MCC: variants seen among roughly 807,000 people sequenced by gnomAD.
MCC encodes the protein colorectal mutant cancer protein.
MCC carries 90 observed loss-of-function variants against 116.2 expected under a neutral mutation model. That is an observed-to-expected ratio of 0.77 (90% CI 0.65 to 0.92). MCC has a LOEUF of 0.92. Ranked by LOEUF, MCC falls within the 40% of genes least tolerant of loss-of-function variation. The probability of loss-of-function intolerance (pLI) is 0.00; values close to 1 mark genes in which losing one functional copy is unlikely to be tolerated. For missense variants in MCC, 1,516 were observed against 1,312.2 expected, an observed-to-expected ratio of 1.16 and a Z score of -2.40; for synonymous variants, 578 against 510.5, an observed-to-expected ratio of 1.13 and a Z score of -1.78.
intron 3 of MCC, among the ~76,000 whole-genome samples, chr5:113,338,647 C>T (rs1418015611): frequency 6.6e-6 from 1 of 152,218 alleles, no homozygotes; most frequent in African/African-American, 2.4e-5. Context: ...ATGGCAATGT[C>T]TGTCTTGAGA....
At chr5:113,433,817 G>C (rs1020368221) in intron 1 of MCC, 17 of 1,613,864 alleles carry the variant, frequency 1.1e-5, no homozygotes, top group Admixed American at 6.7e-5. Context: ...GGAAACCCAG[G>C]ATCTCCGACT....
chr5:113,341,224 G>GTTTC (rs748673215), intron 2 of MCC, among the ~76,000 whole-genome samples: 30 of 149,798 alleles, frequency 2.0e-4, no homozygotes, highest in Admixed American at 1.7e-3. Flanking sequence ...TTCTTTCTCT[G>GTTTC]TTTCTTTCTT....
intron 1 of MCC, among the ~76,000 whole-genome samples, 194 bp downstream of exon 1, chr5:113,488,051 C>G (rs1248008771): frequency 2.0e-5 from 3 of 152,122 alleles, no homozygotes; most frequent in African/African-American, 7.2e-5. Context: ...ACTGGCACCC[C>G]CGCAAGGCGA....
chr5:113,327,951 C>T (rs1361403697), intron 3 of MCC, among the ~76,000 whole-genome samples: 2 of 151,932 alleles, frequency 1.3e-5, no homozygotes, highest in Non-Finnish European at 1.5e-5. Context: ...AAATCTGACA[C>T]ATATAAACAT....
At chr5:113,270,307 T>C (rs1201986691) in intron 3 of MCC, among the ~76,000 whole-genome samples, 1 of 152,116 alleles carries the variant, frequency 6.6e-6, no homozygotes, top group Admixed American at 6.6e-5. Context: ...TGTCCAAACA[T>C]GGGCTATATT....
At chr5:113,334,880 C>G (rs896232175) in intron 3 of MCC, among the ~76,000 whole-genome samples, 3 of 151,584 alleles carry the variant, frequency 2.0e-5, no homozygotes, top group Non-Finnish European at 4.4e-5. Flanking sequence ...CGTGAGCCAC[C>G]GTGCCCAGCC....
intron 8 of MCC, among the ~76,000 whole-genome samples, 188 bp from the exon 9 acceptor site, chr5:113,085,498 C>T (rs1209891960): frequency 1.3e-5 from 2 of 151,822 alleles, no homozygotes; most frequent in Non-Finnish European, 2.9e-5. Flanking sequence ...TTTAATGAAT[C>T]GGTTTCTTAA....
intron 1 of MCC, among the ~76,000 whole-genome samples, chr5:113,402,066 G>T (rs902761631): frequency 6.6e-6 from 1 of 151,736 alleles, no homozygotes; most frequent in Non-Finnish European, 1.5e-5. Context: ...AGGCCGAGGC[G>T]GGTGGATCAC....
chr5:113,117,111 C>T (rs1165524001), intron 6 of MCC, among the ~76,000 whole-genome samples: 1 of 152,230 alleles, frequency 6.6e-6, no homozygotes, highest in Non-Finnish European at 1.5e-5. Context: ...GCTTGCCTTA[C>T]CTGTGTAAAC....
chr5:113,098,079 T>G (rs1233570554), intron 8 of MCC, among the ~76,000 whole-genome samples: 1 of 152,252 alleles, frequency 6.6e-6, no homozygotes, highest in Non-Finnish European at 1.5e-5. Flanking sequence ...GGAACTTATG[T>G]GGCCGATTTG....
At chr5:113,459,133 A>ATGTGTGTGTGTGTGTGTGTGTG (rs542497591) in intron 1 of MCC, among the ~76,000 whole-genome samples, 2 of 68,306 alleles carry the variant, frequency 2.9e-5, no homozygotes, top group African/African-American at 5.8e-5. Context: ...GAGTAAGGAT[A>ATGTGTGTGTGTGTGTGTGTGTG]TGTGTGTGTG....
chr5:113,407,125 A>G (rs1769857519), intron 1 of MCC, among the ~76,000 whole-genome samples: 1 of 152,240 alleles, frequency 6.6e-6, no homozygotes, highest in South Asian at 2.1e-4. Flanking sequence ...AGAGTAAGTT[A>G]AAATAATTAT....
Position 113,465,195 on chromosome 5 carries a change from GATCAAGA to G in MCC, c.170+23043_170+23049del, listed in dbSNP as rs1029467214. On this transcript the variant is annotated intron_variant, in intron 1 of 18. Transcript: ENST00000408903. ...AACAGTATTGAGCTAAGAACAGGTA[GATCAAGA>G]AAAAAAAAAAAGATCCATAATGAGA... Among the ~76,000 whole-genome samples the G allele has an allele frequency of 5.7e-4, 75 of 131,922 alleles. 1 individual carries two copies. Among genetic ancestry groups the G allele is most frequent in the African/African-American group, 2.1e-3 (71 of 33,168 alleles). The allele number at this position is 131,922 out of a possible 152,430, so 86.5% of individuals were successfully genotyped here.
At chr5:113,164,223 T>C (rs988906841) in intron 3 of MCC, among the ~76,000 whole-genome samples, 1 of 152,172 alleles carries the variant, frequency 6.6e-6, no homozygotes, top group African/African-American at 2.4e-5. Flanking sequence ...GGTCACTATG[T>C]CTATGTGCTA....
At chr5:113,075,606 A>T (rs1211783894) in intron 11 of MCC, among the ~76,000 whole-genome samples, 1 of 152,192 alleles carries the variant, frequency 6.6e-6, no homozygotes, top group Non-Finnish European at 1.5e-5. Flanking sequence ...ACCAGTCAGC[A>T]CCCTGTCAAA....
Position 113,079,940 on chromosome 5 carries a change from A to G in MCC, c.1784+2920T>C, listed in dbSNP as rs191354029. Among the ~76,000 whole-genome samples, 17 of 150,722 alleles carry G rather than the reference A, an allele frequency of 1.1e-4. No individual in the cohort carries two copies. The East Asian group carries it at 3.3e-3, about 29-fold the overall frequency. On this transcript the variant is annotated intron_variant, in intron 11 of 18. Coordinates refer to ENST00000408903, the MANE Select transcript of MCC (RefSeq NM_001085377.2). ...AAGGGCTAATATCCAGAATCTATAA[A>G]CAAACAAATTTACAAGACAAAATCA...
intron 3 of MCC, among the ~76,000 whole-genome samples, chr5:113,165,950 C>T (rs1013933348): frequency 2.8e-5 from 4 of 142,200 alleles, no homozygotes; most frequent in African/African-American, 1.0e-4. Flanking sequence ...TAAATTTCTC[C>T]TGTGCTTATT....
chr5:113,361,879 C>T (rs1435586474), intron 2 of MCC, among the ~76,000 whole-genome samples: 3 of 152,156 alleles, frequency 2.0e-5, no homozygotes, highest in African/African-American at 7.2e-5. Context: ...ACCAGCAACC[C>T]CTCTGGATCT....
chr5:113,482,722 G>C (rs1266886543), intron 1 of MCC, among the ~76,000 whole-genome samples: 1 of 152,016 alleles, frequency 6.6e-6, no homozygotes, highest in African/African-American at 2.4e-5. Context: ...TCTTTTGATA[G>C]TGTTTTTTGA....
Sources: allele counts gnomAD v4.1 joint callset (sites outside exome capture counted in the v4.1 genomes callset), GRCh38; gene constraint gnomAD v4.1.1; transcripts MANE v1.5; gene names NCBI Gene and HGNC (gene_info 2026-07-23, HGNC 2026-07-21).